Variants in ADAM10 observed in about 807,000 individuals in gnomAD.
ADAM10 encodes the protein ADAM metallopeptidase domain 10, also known as disintegrin and metalloproteinase domain-containing protein 10.
In ADAM10, 17 loss-of-function variants were observed where a neutral mutation model predicts 90.1. The observed-to-expected ratio is 0.19, with a 90% CI of 0.13 to 0.28. ADAM10 has a LOEUF of 0.28. Among genes scored for constraint, ADAM10 ranks in the 10% least tolerant of loss-of-function variants. The pLI is 1.00. For missense variants in ADAM10, 610 were observed against 914.3 expected (o/e 0.67, Z 4.29); for synonymous variants, 310 against 298.6 (o/e 1.04, Z -0.40).
intron 4 of ADAM10, chr15:58,676,160 C>T (rs1897299107): frequency 2.6e-6 from 1 of 380,216 alleles, no homozygotes; most frequent in East Asian, 7.9e-5. Context: ...AGAAAAGCCC[C>T]AGAAATCCTT....
chr15:58,749,244 T>TC (rs1899895777), intron 1 of ADAM10, among the ~76,000 whole-genome samples: 1 of 151,966 alleles, frequency 6.6e-6, no homozygotes, highest in Non-Finnish European at 1.5e-5. Context: ...GCCAGGGCGG[T>TC]GGGGGGCGGG....
chr15:58,722,859 GTA>G (rs1898902895), intron 1 of ADAM10, among the ~76,000 whole-genome samples: 1 of 149,274 alleles, frequency 6.7e-6, no homozygotes. Context: ...AGCCTTCCCA[GTA>G]GCTCAGGCTA....
chr15:58,721,801 G>T lies in ADAM10; in HGVS notation c.56-4074C>A, dbSNP rs191077598. Among the ~76,000 whole-genome samples, 156 of 152,274 alleles carry T rather than the reference G, an allele frequency of 1.0e-3. 1 individual carries two copies. The highest frequency in any genetic ancestry group is 3.7e-3 in the African/African-American group (152 of 41,542). ...CCAGCACTTTGGGAGGCTGAGGGGG[G>T]TGAATCGCTTGAGGTCAGGAGTTCA... On this transcript the variant is annotated intron_variant, in intron 1 of 15. Transcript: ENST00000260408.
At chr15:58,705,809 G>C (rs1362669759) in intron 2 of ADAM10, among the ~76,000 whole-genome samples, 2 of 152,168 alleles carry the variant, frequency 1.3e-5, no homozygotes, top group African/African-American at 4.8e-5. Flanking sequence ...CTGAAAATAG[G>C]TGAGTACAGG....
intron 7 of ADAM10, 34 bp downstream of exon 7, chr15:58,643,851 CT>C: frequency 6.8e-7 from 1 of 1,474,718 alleles, no homozygotes; most frequent in African/African-American, 1.4e-5. Flanking sequence ...GACTGTTTCA[CT>C]TTTTAAGTGT....
At chr15:58,724,581 T>C (rs1359545752) in intron 1 of ADAM10, among the ~76,000 whole-genome samples, 1 of 152,212 alleles carries the variant, frequency 6.6e-6, no homozygotes, top group Non-Finnish European at 1.5e-5. Flanking sequence ...AGACAACCTC[T>C]GAGTTCAGGG....
intron 2 of ADAM10, among the ~76,000 whole-genome samples, chr15:58,705,484 C>T (rs540654584): frequency 1.3e-5 from 2 of 152,266 alleles, no homozygotes; most frequent in African/African-American, 4.8e-5. Context: ...ATGCACCAAA[C>T]AGATACTGAG....
At chr15:58,633,494 T>C (rs934399401) in intron 8 of ADAM10, 135 bp from the exon 9 acceptor site, 21 of 758,658 alleles carry the variant, frequency 2.8e-5, no homozygotes, top group Middle Eastern at 7.1e-4. Context: ...GTATCACATA[T>C]GCAAAAGTTT....
chr15:58,713,059 A>G (rs1898528529), intron 2 of ADAM10, among the ~76,000 whole-genome samples: 1 of 152,158 alleles, frequency 6.6e-6, no homozygotes, highest in African/African-American at 2.4e-5. Context: ...ATTTAAGAAG[A>G]AAATCTGTTT....
intron 14 of ADAM10, among the ~76,000 whole-genome samples, chr15:58,604,817 G>A (rs1002846979): frequency 5.3e-5 from 8 of 152,020 alleles, no homozygotes; most frequent in Non-Finnish European, 5.9e-5. Context: ...GTGCAATCAC[G>A]GCTCACTGCA....
rs1180209321 is a variant in ADAM10, at chr15:58,590,392, T to C, written c.*7155A>G. ...AGGGAAACTGTTAAGTTCACTACTG[T>C]ATTCTTATCATCTAGCCAAGGCCCT... On this transcript the variant is annotated 3_prime_UTR_variant, in exon 16 of 16. Transcript: ENST00000260408. 2.0e-5 allele frequency: 3 copies of C among 152,252 alleles called. No individual in the cohort carries two copies. The highest frequency in any genetic ancestry group is 1.3e-4 in the Admixed American group (2 of 15,278). 9.4% of individuals were successfully genotyped at this position (152,252 alleles called of 1,614,324 possible). A position where few individuals can be genotyped will look rare whatever the true frequency, so the allele number is the denominator to read the frequency against.
At chr15:58,719,367 C>T (rs1898769548) in intron 1 of ADAM10, among the ~76,000 whole-genome samples, 1 of 152,044 alleles carries the variant, frequency 6.6e-6, no homozygotes, top group Non-Finnish European at 1.5e-5. Context: ...TCCTGGTTTC[C>T]TTGTTTCCTT....
intron 1 of ADAM10, among the ~76,000 whole-genome samples, chr15:58,725,749 A>C (rs1899008209): frequency 1.3e-5 from 2 of 152,106 alleles, no homozygotes; most frequent in Admixed American, 6.5e-5. Flanking sequence ...AGTCAGAAGA[A>C]AATGCAGCCA....
At chr15:58,601,291 G>A (rs536657201) in intron 14 of ADAM10, among the ~76,000 whole-genome samples, 10 of 151,996 alleles carry the variant, frequency 6.6e-5, no homozygotes, top group Non-Finnish European at 8.8e-5. Flanking sequence ...GTGAAACCCC[G>A]TCTCTACTAA....
intron 2 of ADAM10, chr15:58,691,067 T>A (rs771052791): frequency 6.6e-6 from 4 of 610,436 alleles, no homozygotes; most frequent in East Asian, 6.3e-5. Context: ...TGTCCCAAAA[T>A]GCCTGCGCTT....
intron 2 of ADAM10, among the ~76,000 whole-genome samples, chr15:58,683,442 A>T (rs1199687167): frequency 6.6e-6 from 1 of 152,218 alleles, no homozygotes; most frequent in East Asian, 1.9e-4. Context: ...AAACTGGTTT[A>T]AAAAATCCAA....
chr15:58,602,497 A>G (rs1895138210), intron 14 of ADAM10, among the ~76,000 whole-genome samples: 1 of 152,100 alleles, frequency 6.6e-6, no homozygotes, highest in South Asian at 2.1e-4. Flanking sequence ...GTGCCACTAT[A>G]GCTCCCCAAC....
intron 2 of ADAM10, among the ~76,000 whole-genome samples, chr15:58,694,404 T>C (rs1331362218): frequency 6.6e-6 from 1 of 151,772 alleles, no homozygotes; most frequent in Non-Finnish European, 1.5e-5. Context: ...TGAGCCGAGA[T>C]CACGACACTG....
intron 5 of ADAM10, among the ~76,000 whole-genome samples, chr15:58,663,059 G>C (rs1449850509): frequency 6.6e-6 from 1 of 152,162 alleles, no homozygotes; most frequent in African/African-American, 2.4e-5. Flanking sequence ...ATAATTGTTT[G>C]AAATATTTTG....
Sources: gnomAD v4.1 joint callset for allele counts (sites outside exome capture counted in the v4.1 genomes callset) on GRCh38, gnomAD v4.1.1 for gene constraint, MANE v1.5 for transcripts, NCBI Gene and HGNC (gene_info 2026-07-23, HGNC 2026-07-21) for gene names.